Variants in PRELID2 observed in about 807,000 individuals in gnomAD.
PRELID2 encodes the protein PRELI domain containing 2, also known as PRELI domain-containing protein 2.
Under a neutral mutation model 28.4 loss-of-function variants are expected in PRELID2, and 25 were observed. That is an observed-to-expected ratio of 0.88 (90% confidence interval 0.64 to 1.23). PRELID2 has a LOEUF of 1.23. PRELID2 is among the 50% of genes most tolerant of loss of function. The pLI, the probability that PRELID2 is intolerant of heterozygous loss-of-function variation, is 0.00. For missense variants in PRELID2, 201 were observed against 214.4 expected, an observed-to-expected ratio of 0.94 and a Z score of 0.39; for synonymous variants, 76 against 71.6, an observed-to-expected ratio of 1.06 and a Z score of -0.31.
At chr5:145,573,337 CTTTTT>C (rs549025004) in intron 1 of PRELID2, among the ~76,000 whole-genome samples, 1 of 146,300 alleles carries the variant, frequency 6.8e-6, no homozygotes, top group African/African-American at 2.5e-5. Context: ...TTTTTCTTTT[CTTTTT>C]TTTTTTACTT....
In PRELID2 at chr5:145,713,101, CAG is replaced by C. The variant is rs528946889; in HGVS notation, n.70+51828_70+51829del. Among the ~76,000 whole-genome samples the C allele has an allele frequency of 1.5e-4, 23 of 151,632 alleles. No individual in the cohort carries two copies. In the East Asian group the frequency reaches 3.9e-3, roughly 26 times the overall value. Reference sequence around the variant, plus strand: ...ACAAACATATAACTGGAGTTCCAGACAGAGAGAATGAAGCAAAAGAAATTAAT... The same window carrying C: ...ACAAACATATAACTGGAGTTCCAGACAGAGAATGAAGCAAAAGAAATTAAT... On this transcript the variant is annotated intron_variant and non_coding_transcript_variant, in intron 1 of 2. Transcript: ENST00000510259.
chr5:145,376,424 G>A, the PRELID2 span, among the ~76,000 whole-genome samples: 1 of 152,158 alleles, frequency 6.6e-6, no homozygotes, highest in Non-Finnish European at 1.5e-5. Context: ...ATGAGGTGGG[G>A]AGGAGTCCCT....
At chr5:145,776,039 GA>G (rs11478683) in intron 5 of PRELID2, among the ~76,000 whole-genome samples, 112,573 of 152,072 alleles carry the variant, frequency 0.74, 44,143 homozygotes, top group East Asian at 0.91. Context: ...TATTTGCAAA[GA>G]AAAAAAATGC....
In PRELID2 at chr5:145,479,810, G is replaced by A. The variant is rs1027199587; in HGVS notation, n.71-6495C>T. Among the ~76,000 whole-genome samples the A allele has an allele frequency of 1.3e-5, 2 of 152,104 alleles. 1 individual carries two copies. Among genetic ancestry groups the A allele is most frequent in the Admixed American group, 1.3e-4 (2 of 15,262 alleles). On this transcript the variant is annotated intron_variant and non_coding_transcript_variant, in intron 1 of 2. Coordinates refer to the PRELID2 transcript ENST00000510259. ...CCTTTCCTTAGCCACTACATGGCAA[G>A]AATGGTTCATTGTCATTTTCTTCCT... is the stretch of plus-strand genomic sequence containing the variant.
chr5:145,728,816 C>G (rs532397326), intron 1 of PRELID2: 12 of 1,013,644 alleles, frequency 1.2e-5, no homozygotes, highest in Non-Finnish European at 1.7e-5. Flanking sequence ...TCATAAAGGC[C>G]ACAAACACCA....
chr5:145,813,982 C>T (rs984521083), intron 4 of PRELID2, among the ~76,000 whole-genome samples: 1 of 152,118 alleles, frequency 6.6e-6, no homozygotes. Context: ...AAACAAACAA[C>T]CTAAGTTTCA....
the PRELID2 span, among the ~76,000 whole-genome samples, chr5:145,316,133 C>G: frequency 6.6e-6 from 1 of 152,150 alleles, no homozygotes; most frequent in Non-Finnish European, 1.5e-5. Flanking sequence ...TAGGAGCCAG[C>G]AAACACTACA....
chr5:145,775,321 G>A (rs765348480), intron 5 of PRELID2, among the ~76,000 whole-genome samples: 1 of 151,836 alleles, frequency 6.6e-6, no homozygotes, highest in Non-Finnish European at 1.5e-5. Context: ...CTATCTCCTC[G>A]AAAAGATGTG....
In PRELID2 at chr5:145,514,318, C is replaced by CAAAAAAAAAAAAAAAAAAAAAAAAAAAAA. The variant is rs55760860; in HGVS notation, n.71-41004_71-41003insTTTTTTTTTTTTTTTTTTTTTTTTTTTTT. Among the ~76,000 whole-genome samples the CAAAAAAAAAAAAAAAAAAAAAAAAAAAAA allele has an allele frequency of 4.2e-4, 28 of 67,434 alleles. 1 individual carries two copies. The highest frequency in any genetic ancestry group is 6.5e-4 in the Admixed American group (4 of 6,132). 44.2% of individuals were successfully genotyped at this position (67,434 alleles called of 152,430 possible). A position where few individuals can be genotyped will look rare whatever the true frequency, so the allele number is the denominator to read the frequency against. ...GAATATTTACCAAGCAAATGGAAAG[C>CAAAAAAAAAAAAAAAAAAAAAAAAAAAAA]AAAAAAAAAAAAAAAGCATGGGTTG... On this transcript the variant is annotated intron_variant and non_coding_transcript_variant, in intron 1 of 2. Transcript: ENST00000510259.
At chr5:145,411,056 T>C in the PRELID2 span, among the ~76,000 whole-genome samples, 1 of 152,138 alleles carries the variant, frequency 6.6e-6, no homozygotes. Context: ...AAGTGTGAAC[T>C]CTAACAGGTC....
At chr5:145,396,524 T>C in the PRELID2 span, among the ~76,000 whole-genome samples, 1 of 149,032 alleles carries the variant, frequency 6.7e-6, no homozygotes, top group Non-Finnish European at 1.5e-5. Flanking sequence ...GAGACAGAGA[T>C]AGTATTTGTC....
chr5:145,694,335 AG>A (rs764715221), intron 1 of PRELID2, among the ~76,000 whole-genome samples: 1 of 152,044 alleles, frequency 6.6e-6, no homozygotes, highest in Non-Finnish European at 1.5e-5. Flanking sequence ...AATTTGGGGG[AG>A]GGGGCAGTCT....
At chr5:145,480,956 A>G (rs1752153539) in intron 1 of PRELID2, among the ~76,000 whole-genome samples, 2 of 152,312 alleles carry the variant, frequency 1.3e-5, no homozygotes, top group Admixed American at 1.3e-4. Flanking sequence ...CTGAGATGCC[A>G]TTGTATGCTA....
intron 1 of PRELID2, among the ~76,000 whole-genome samples, chr5:145,722,306 G>T (rs1052851923): frequency 6.6e-6 from 1 of 152,008 alleles, no homozygotes; most frequent in Non-Finnish European, 1.5e-5. Context: ...AAAATAATTT[G>T]GGATTTTTTC....
the PRELID2 span, among the ~76,000 whole-genome samples, chr5:145,274,643 T>C: frequency 6.6e-6 from 1 of 152,082 alleles, no homozygotes; most frequent in South Asian, 2.1e-4. Context: ...AATATTTGCA[T>C]ATATATTGTA....
intron 1 of PRELID2, among the ~76,000 whole-genome samples, chr5:145,646,843 C>T (rs1347709867): frequency 3.9e-5 from 6 of 152,196 alleles, no homozygotes; most frequent in East Asian, 1.9e-4. Context: ...GTATCACCAG[C>T]GGAGGCTGCA....
the PRELID2 span, among the ~76,000 whole-genome samples, chr5:145,273,025 G>C: frequency 6.6e-6 from 1 of 152,174 alleles, no homozygotes; most frequent in East Asian, 1.9e-4. Flanking sequence ...ACCAAAATTA[G>C]CTCATCGGAG....
At chr5:145,828,612 A>T (rs1406917204) in intron 1 of PRELID2, among the ~76,000 whole-genome samples, 1 of 152,128 alleles carries the variant, frequency 6.6e-6, no homozygotes, top group Non-Finnish European at 1.5e-5. Context: ...AGTGCTGGAG[A>T]GAATATTTAC....
intron 1 of PRELID2, among the ~76,000 whole-genome samples, chr5:145,659,131 T>C (rs1474226049): frequency 6.6e-6 from 1 of 152,188 alleles, no homozygotes; most frequent in African/African-American, 2.4e-5. Flanking sequence ...GGTAGGGCTA[T>C]GGCACAGACT....
Sources: gnomAD v4.1 joint callset for allele counts (sites outside exome capture counted in the v4.1 genomes callset) on GRCh38, gnomAD v4.1.1 for gene constraint, MANE v1.5 for transcripts, NCBI Gene and HGNC (gene_info 2026-07-23, HGNC 2026-07-21) for gene names.